CDH18: variants seen among roughly 807,000 people sequenced by gnomAD.
The protein encoded by CDH18 is cadherin-18.
CDH18 carries 31 observed loss-of-function variants against 67.9 expected under a neutral mutation model. That is an observed-to-expected ratio of 0.46 (90% confidence interval 0.34 to 0.62). The LOEUF (loss-of-function observed/expected upper bound fraction) is 0.62, where lower values mean the gene tolerates loss of function less well. CDH18 is among the 20% of genes least tolerant of loss of function. The probability of loss-of-function intolerance (pLI) is 0.01; values close to 1 mark genes in which losing one functional copy is unlikely to be tolerated. For missense variants in CDH18, 890 were observed against 975.5 expected (o/e 0.91, Z 1.17); for synonymous variants, 362 against 347.2 (o/e 1.04, Z -0.48).
chr5:19,500,773 C>T (rs954922155), intron 11 of CDH18, among the ~76,000 whole-genome samples: 3 of 152,048 alleles, frequency 2.0e-5, no homozygotes, highest in African/African-American at 4.8e-5. Context: ...AGGGGAAAAC[C>T]TATATATGAG....
At chr5:19,700,848 C>A (rs1028650609) in intron 5 of CDH18, among the ~76,000 whole-genome samples, 2 of 151,808 alleles carry the variant, frequency 1.3e-5, no homozygotes, top group Non-Finnish European at 2.9e-5. Context: ...TTGTGTAACT[C>A]TTTAGTTACT....
intron 11 of CDH18, among the ~76,000 whole-genome samples, chr5:19,489,632 G>T (rs138334144): frequency 6.6e-6 from 1 of 151,900 alleles, no homozygotes; most frequent in East Asian, 1.9e-4. Flanking sequence ...TTCCACTCTC[G>T]TCACGAAAAC....
chr5:20,516,127 G>A (rs960491435), intron 1 of CDH18, among the ~76,000 whole-genome samples: 2 of 151,966 alleles, frequency 1.3e-5, no homozygotes, highest in South Asian at 2.1e-4. Context: ...AATGCTAATT[G>A]TAAGAGGTTT....
At chr5:20,234,962 C>A (rs4866047) in intron 2 of CDH18, among the ~76,000 whole-genome samples, 106,425 of 151,966 alleles carry the variant, frequency 0.7, 37,909 homozygotes, top group African/African-American at 0.84. Flanking sequence ...ATTGCAAGGG[C>A]GGTATCCAAT....
chr5:20,544,763 A>G (rs1220494595), intron 1 of CDH18, among the ~76,000 whole-genome samples: 1 of 152,152 alleles, frequency 6.6e-6, no homozygotes, highest in Non-Finnish European at 1.5e-5. Flanking sequence ...GAGGCAAACC[A>G]TATCATTATC....
chr5:20,305,642 CG>C (rs1736367220), intron 1 of CDH18: 9 of 327,346 alleles, frequency 2.7e-5, no homozygotes, highest in East Asian at 7.7e-5. Context: ...ACGCCATGTC[CG>C]GGGGGTGGGG....
chr5:19,726,690 T>C (rs1041635515), intron 4 of CDH18, among the ~76,000 whole-genome samples: 2 of 152,222 alleles, frequency 1.3e-5, no homozygotes, highest in African/African-American at 2.4e-5. Flanking sequence ...ATTTGAAATC[T>C]AGATGGAAAA....
intron 2 of CDH18, among the ~76,000 whole-genome samples, chr5:20,225,580 G>A (rs757159234): frequency 3.3e-5 from 5 of 152,082 alleles, no homozygotes; most frequent in Non-Finnish European, 5.9e-5. Context: ...TATCTTGGAA[G>A]GGCTTGGCAT....
chr5:19,631,868 T>C (rs1752467279), intron 5 of CDH18, among the ~76,000 whole-genome samples: 1 of 152,168 alleles, frequency 6.6e-6, no homozygotes, highest in Non-Finnish European at 1.5e-5. Context: ...TAATTGCATG[T>C]TTTAGCCATT....
At chr5:19,940,025 G>C (rs1794661867) in intron 2 of CDH18, among the ~76,000 whole-genome samples, 1 of 151,700 alleles carries the variant, frequency 6.6e-6, no homozygotes, top group Non-Finnish European at 1.5e-5. Context: ...TGCAAGAAAA[G>C]CTGAATGTTT....
At chr5:20,404,313 T>G (rs192367061) in intron 1 of CDH18, among the ~76,000 whole-genome samples, 1 of 152,288 alleles carries the variant, frequency 6.6e-6, no homozygotes, top group Admixed American at 6.5e-5. Flanking sequence ...CTTCAAGAAC[T>G]TTTGCTTTGC....
intron 1 of CDH18, among the ~76,000 whole-genome samples, chr5:19,984,911 A>G (rs1477724902): frequency 6.6e-6 from 1 of 152,184 alleles, no homozygotes; most frequent in African/African-American, 2.4e-5. Flanking sequence ...AACACTAGAA[A>G]CTACTCCAAG....
At chr5:19,550,524 T>C (rs1737227694) in intron 8 of CDH18, among the ~76,000 whole-genome samples, 1 of 152,134 alleles carries the variant, frequency 6.6e-6, no homozygotes, top group Admixed American at 6.5e-5. Context: ...TTTGGTTTTT[T>C]GTCCTTGCGA....
chr5:19,510,747 A>G (rs1327369882), intron 10 of CDH18, among the ~76,000 whole-genome samples: 1 of 151,934 alleles, frequency 6.6e-6, no homozygotes, highest in Non-Finnish European at 1.5e-5. Flanking sequence ...AGGTGGAGGT[A>G]ATTGGATCAT....
chr5:19,546,565 G>A (rs983078224), intron 8 of CDH18, among the ~76,000 whole-genome samples: 1 of 152,124 alleles, frequency 6.6e-6, no homozygotes, highest in East Asian at 1.9e-4. Context: ...GAAATATAGG[G>A]TAGGTGTGGT....
At chr5:19,985,050 GATC>G (rs1178049565) in intron 1 of CDH18, among the ~76,000 whole-genome samples, 1 of 152,052 alleles carries the variant, frequency 6.6e-6, no homozygotes, top group East Asian at 1.9e-4. Flanking sequence ...TATATTAAAG[GATC>G]ATCTGAAGAA....
chr5:19,520,689 T>C lies in CDH18; in HGVS notation c.1480A>G (p.Ile494Val). ...NPPELAREYDIIVCENSKPGQ... is the reference protein window; with the variant it reads ...NPPELAREYDVIVCENSKPGQ... The stretch of plus-strand genomic sequence containing the variant: ...GGCTTAGAATTTTCACATACAATAA[T>C]ATCATATTCCCTGGCAAGTTCGGGT... Residue 494 changes from isoleucine to valine, a missense_variant, in exon 10 of 13, where the codon ATT becomes GTT. Physicochemically the swap from Ile to Val is conservative, Grantham distance 29. Transcript: ENST00000382275. The C allele has an allele frequency of 6.2e-7, 1 of 1,613,046 alleles. No individual in the cohort carries two copies. The highest frequency in any genetic ancestry group is 8.5e-7 in the Non-Finnish European group (1 of 1,179,424).
chr5:19,524,339 A>G (rs964719194), intron 9 of CDH18, among the ~76,000 whole-genome samples: 1 of 149,814 alleles, frequency 6.7e-6, no homozygotes, highest in South Asian at 2.1e-4. Flanking sequence ...AAATGAATAT[A>G]TACATTAAAT....
chr5:19,850,901 T>A (rs918686231), intron 2 of CDH18, among the ~76,000 whole-genome samples: 8 of 151,892 alleles, frequency 5.3e-5, no homozygotes, highest in Admixed American at 3.3e-4. Flanking sequence ...ATCCTGTTTA[T>A]GCTACTTTAT....
Sources: allele counts gnomAD v4.1 joint callset (sites outside exome capture counted in the v4.1 genomes callset), GRCh38; gene constraint gnomAD v4.1.1; transcripts MANE v1.5; gene names NCBI Gene and HGNC (gene_info 2026-07-23, HGNC 2026-07-21).